Variants in PRPF8 observed in about 807,000 individuals in gnomAD.
PRPF8 encodes pre-mRNA processing factor 8.
In PRPF8, 64 loss-of-function variants were observed where a neutral mutation model predicts 285.9. The observed-to-expected ratio is 0.22, with a 90% CI of 0.18 to 0.28. The LOEUF (loss-of-function observed/expected upper bound fraction) is 0.28, where lower values mean the gene tolerates loss of function less well. PRPF8 is among the 10% of genes least tolerant of loss of function. The pLI is 1.00. For missense variants in PRPF8, 1,426 were observed against 3,026.7 expected, an observed-to-expected ratio of 0.47 and a Z score of 12.41; for synonymous variants, 1,325 against 1,118.2, an observed-to-expected ratio of 1.18 and a Z score of -3.69.
rs371722906 is a variant in PRPF8 at position 1,676,927 on chromosome 17, A to G, written c.2181+49T>C. ...TAATGATTCCCGAAGTGGTAATCCTACCCTAAAGACGGATGTTTACGCCTC... is the reference window on the plus strand; with the variant it reads ...TAATGATTCCCGAAGTGGTAATCCTGCCCTAAAGACGGATGTTTACGCCTC... On this transcript the variant is annotated intron_variant, in intron 15 of 42. Coordinates refer to ENST00000304992, the MANE Select transcript of PRPF8 (RefSeq NM_006445.4). This position sits in a 1 kb window ranked among gnomAD's most constrained non-coding sequence, Gnocchi z 6.3. The G allele has an allele frequency of 6.2e-7, 1 of 1,602,348 alleles. No individual in the cohort carries two copies. Among genetic ancestry groups the G allele is most frequent in the Non-Finnish European group, 8.5e-7 (1 of 1,173,032 alleles).
chr17:1,669,318 G>A (rs1912178842), intron 24 of PRPF8, among the ~76,000 whole-genome samples: 2 of 152,116 alleles, frequency 1.3e-5, no homozygotes. Context: ...TGTTGGCCAG[G>A]CTGGTCTCGA....
In PRPF8 at chr17:1,676,941, T is replaced by C. The variant is rs1043036515; in HGVS notation, c.2181+35A>G. 1.2e-6 allele frequency: 2 copies of C among 1,609,884 alleles called. No individual in the cohort carries two copies. Among genetic ancestry groups the C allele is most frequent in the Non-Finnish European group, 1.7e-6 (2 of 1,178,386 alleles). ...GTGGTAATCCTACCCTAAAGACGGATGTTTACGCCTCCAAGGAAATAAAGA... is the reference window on the plus strand; with the variant it reads ...GTGGTAATCCTACCCTAAAGACGGACGTTTACGCCTCCAAGGAAATAAAGA... On this transcript the variant is annotated intron_variant, in intron 15 of 42. Coordinates refer to ENST00000304992, the MANE Select transcript of PRPF8 (RefSeq NM_006445.4). The surrounding 1 kb of genome is among the most constrained non-coding windows in gnomAD (Gnocchi z 6.3).
At chr17:1,668,222 ACACTCCTC>A (rs1217535523) in intron 24 of PRPF8, among the ~76,000 whole-genome samples, 1 of 152,118 alleles carries the variant, frequency 6.6e-6, no homozygotes, top group Non-Finnish European at 1.5e-5. Flanking sequence ...ACCCTCTCAG[ACACTCCTC>A]CACTCCTCAG....
chr17:1,684,619 A>G (rs377087558), intron 1 of PRPF8, 37 bp from the exon 2 acceptor site: 2 of 1,591,628 alleles, frequency 1.3e-6, no homozygotes, highest in African/African-American at 2.7e-5. Flanking sequence ...CACTAACCAC[A>G]GGCCCGGGCC....
chr17:1,661,571 G>T lies in PRPF8; in HGVS notation c.4202+40C>A. Reference sequence around the variant, plus strand: ...TCCACACGGTTCAAAGGCCACCACTGCCCCTGCCCCAGGGTTGGCATGCCC... The same window carrying T: ...TCCACACGGTTCAAAGGCCACCACTTCCCCTGCCCCAGGGTTGGCATGCCC... On this transcript the variant is annotated intron_variant, in intron 26 of 42. Transcript: ENST00000304992. The surrounding 1 kb of genome is among the most constrained non-coding windows in gnomAD (Gnocchi z 7.3). 6.2e-7 allele frequency: 1 copy of T among 1,611,864 alleles called. No individual in the cohort carries two copies. The highest frequency in any genetic ancestry group is 8.5e-7 in the Non-Finnish European group (1 of 1,179,834).
Position 1,683,743 on chromosome 17 carries a change from CT to C in PRPF8, c.101-43del, listed in dbSNP as rs772460081. ...GTTTAAAGGCCTGCACACCCTCCCCCTAATCCTCTTCACCTCTTGCCCTAGG... is the reference window on the plus strand; with the variant it reads ...GTTTAAAGGCCTGCACACCCTCCCCCAATCCTCTTCACCTCTTGCCCTAGG... On this transcript the variant is annotated intron_variant, in intron 2 of 42. Coordinates refer to ENST00000304992, the MANE Select transcript of PRPF8 (RefSeq NM_006445.4). 64 of 1,610,656 alleles carry C rather than the reference CT, an allele frequency of 4.0e-5. No homozygotes were observed. In the Admixed American group the frequency reaches 6.2e-4, roughly 16 times the overall value.
rs11559306 is a variant in PRPF8 at position 1,656,451 on chromosome 17, G to A, written c.5734C>T (p.Pro1912Ser). 6.2e-7 allele frequency: 1 copy of A among 1,614,186 alleles called. No homozygotes were observed. Among genetic ancestry groups the A allele is most frequent in the Non-Finnish European group, 8.5e-7 (1 of 1,180,034 alleles). ...FGDLILKATE[P>S]QMVLFNLYDD... Reference sequence around the variant, plus strand: ...TAGAGGTTGAAGAGAACCATCTGGGGCTCAGTGGCTTTAAGGATGAGATCC... The same window carrying A: ...TAGAGGTTGAAGAGAACCATCTGGGACTCAGTGGCTTTAAGGATGAGATCC... Residue 1912 changes from proline (P) to serine (S), a missense_variant, in exon 36 of 43, where the codon CCC (proline) becomes TCC (serine). By Grantham distance (74) the Pro-to-Ser change is moderately conservative. Coordinates refer to ENST00000304992, the MANE Select transcript of PRPF8 (RefSeq NM_006445.4).
Position 1,676,070 on chromosome 17 carries a change from G to C in PRPF8, c.2553-16C>G. 1 of 1,612,796 alleles carries C rather than the reference G, an allele frequency of 6.2e-7. No homozygotes were observed. The highest frequency in any genetic ancestry group is 8.5e-7 in the Non-Finnish European group (1 of 1,180,014). ...AGACTTCACACTGACAAAAGCAATGGGAAGGGTGAATGGGAAAACTAGGAG... is the reference window on the plus strand; with the variant it reads ...AGACTTCACACTGACAAAAGCAATGCGAAGGGTGAATGGGAAAACTAGGAG... On this transcript the variant is annotated splice_polypyrimidine_tract_variant and intron_variant, in intron 17 of 42. Transcript: ENST00000304992. This position sits in a 1 kb window ranked among gnomAD's most constrained non-coding sequence, Gnocchi z 6.3.
Position 1,673,942 on chromosome 17 carries a change from G to C in PRPF8, c.3300-50C>G. The stretch of plus-strand genomic sequence containing the variant: ...GAGGCCCCAGTACACTGAGATTTGG[G>C]ACACCCACAAGTCCTCCAGCTCAAT... On this transcript the variant is annotated intron_variant, in intron 21 of 42. Transcript: ENST00000304992. The surrounding 1 kb of genome is among the most constrained non-coding windows in gnomAD (Gnocchi z 5.5). The C allele has an allele frequency of 6.2e-7, 1 of 1,603,754 alleles. No individual in the cohort carries two copies.
chr17:1,669,338 T>C (rs1328420497), intron 24 of PRPF8, among the ~76,000 whole-genome samples: 2 of 152,198 alleles, frequency 1.3e-5, no homozygotes, highest in Non-Finnish European at 2.9e-5. Flanking sequence ...AACTCCTGAC[T>C]TGGTGATTCA....
chr17:1,666,139 C>G (rs1473714785), intron 24 of PRPF8, among the ~76,000 whole-genome samples: 1 of 151,264 alleles, frequency 6.6e-6, no homozygotes, highest in Non-Finnish European at 1.5e-5. Context: ...GCACTCCAAC[C>G]TGAGTGACAG....
rs1237294178 is a variant in PRPF8, at chr17:1,681,056, T to G, written c.867-2A>C. 1 of 1,613,132 alleles carries G rather than the reference T, an allele frequency of 6.2e-7. No individual in the cohort carries two copies. The highest frequency in any genetic ancestry group is 8.5e-7 in the Non-Finnish European group (1 of 1,179,360). On this transcript the variant is annotated splice_acceptor_variant, in intron 6 of 42. Transcript: ENST00000304992. LOFTEE classifies it high-confidence loss of function. ...TTGAATTCATTCCAGTCTTCATCCCTAGGGTACAACATCAAGAATAAGCAG... is the reference window on the plus strand; with the variant it reads ...TTGAATTCATTCCAGTCTTCATCCCGAGGGTACAACATCAAGAATAAGCAG...
intron 34 of PRPF8, among the ~76,000 whole-genome samples, chr17:1,657,081 G>C (rs1026823458): frequency 1.3e-5 from 2 of 152,150 alleles, no homozygotes; most frequent in African/African-American, 4.8e-5. Flanking sequence ...GTCTTAAGGA[G>C]GGACTGTGAT....
In PRPF8 at chr17:1,673,635, G is replaced by A; in HGVS notation, c.3447-68C>T. On this transcript the variant is annotated intron_variant, in intron 22 of 42. Coordinates refer to ENST00000304992, the MANE Select transcript of PRPF8 (RefSeq NM_006445.4). The surrounding 1 kb of genome is among the most constrained non-coding windows in gnomAD (Gnocchi z 5.5). ...AACTTCCCTTCAAAGGCCAACTGATGACATCCTGACACAGCCACGCCTCTC... is the reference window on the plus strand; with the variant it reads ...AACTTCCCTTCAAAGGCCAACTGATAACATCCTGACACAGCCACGCCTCTC... 1.2e-6 allele frequency: 2 copies of A among 1,611,358 alleles called. No homozygotes were observed. The highest frequency in any genetic ancestry group is 1.7e-6 in the Non-Finnish European group (2 of 1,178,898).
At chr17:1,667,716 G>T (rs577785614) in intron 24 of PRPF8, among the ~76,000 whole-genome samples, 2 of 152,074 alleles carry the variant, frequency 1.3e-5, no homozygotes, top group South Asian at 4.1e-4. Flanking sequence ...GCTAATTTTT[G>T]TATTTTTAGT....
In PRPF8 at chr17:1,679,955, C is replaced by A. The variant is rs146580593; in HGVS notation, c.1099-156G>T. ...CCCTGAAGTGCCAGCACAAAGGAAA[C>A]CAAGACAGCAAAGAACAAGACAGGG... On this transcript the variant is annotated intron_variant, in intron 8 of 42. Transcript: ENST00000304992. The surrounding 1 kb of genome is among the most constrained non-coding windows in gnomAD (Gnocchi z 4.7). 2.4e-3 allele frequency among the ~76,000 whole-genome samples: 367 copies of A among 152,276 alleles called. 1 individual carries two copies. The highest frequency in any genetic ancestry group is 8.5e-3 in the African/African-American group (355 of 41,550).
chr17:1,679,779 A>G lies in PRPF8; in HGVS notation c.1119T>C (p.Asp373=). The G allele has an allele frequency of 6.2e-7, 1 of 1,614,174 alleles. No homozygotes were observed. The highest frequency in any genetic ancestry group is 8.5e-7 in the Non-Finnish European group (1 of 1,180,034). Residue 373 remains aspartate (D), a synonymous_variant, in exon 9 of 43, where the codon GAT becomes GAC. Coordinates refer to ENST00000304992, the MANE Select transcript of PRPF8 (RefSeq NM_006445.4). The surrounding 1 kb of genome is among the most constrained non-coding windows in gnomAD (Gnocchi z 4.7). ...HSVKSQEPLP[D]DDEEFELPEF... is the part of the protein sequence containing the mutation. ...CCGGGAGCTCAAATTCCTCATCATC[A>G]TCCGGCAATGGTTCCTGGCTCTGAA...
In PRPF8 at chr17:1,676,132, T is replaced by G; in HGVS notation, c.2552+75A>C. 2 of 1,612,048 alleles carry G rather than the reference T, an allele frequency of 1.2e-6. No homozygotes were observed. The highest frequency in any genetic ancestry group is 2.2e-5 in the East Asian group (1 of 44,882). On this transcript the variant is annotated intron_variant, in intron 17 of 42. Coordinates refer to ENST00000304992, the MANE Select transcript of PRPF8 (RefSeq NM_006445.4). This position sits in a 1 kb window ranked among gnomAD's most constrained non-coding sequence, Gnocchi z 6.3. ...AGGAAAGACTGGGGCTACACCTTCTTTCTTTGGACTCTGAGGATGACGCCA... is the reference window on the plus strand; with the variant it reads ...AGGAAAGACTGGGGCTACACCTTCTGTCTTTGGACTCTGAGGATGACGCCA...
At position 1,651,603 on chromosome 17, in the gene PRPF8, C is replaced by T. The variant is rs376347137; in HGVS notation, c.6510+45G>A. 49 of 1,613,998 alleles carry T rather than the reference C, an allele frequency of 3.0e-5. No homozygotes were observed. Among genetic ancestry groups the T allele is most frequent in the African/African-American group, 2.1e-4 (16 of 74,906 alleles). Reference sequence around the variant, plus strand: ...CTGAATCCCATCCACAGACAGGAATCGCACCAGCTTTTCCACACTCCCAGG... The same window carrying T: ...CTGAATCCCATCCACAGACAGGAATTGCACCAGCTTTTCCACACTCCCAGG... On this transcript the variant is annotated intron_variant, in intron 40 of 42. Transcript: ENST00000304992. This position sits in a 1 kb window ranked among gnomAD's most constrained non-coding sequence, Gnocchi z 5.1.
Sources: gnomAD v4.1 joint callset for allele counts (sites outside exome capture counted in the v4.1 genomes callset) on GRCh38, gnomAD v4.1.1 for gene constraint, Gnocchi (gnomAD v3.1) non-coding constraint, MANE v1.5 for transcripts, NCBI Gene and HGNC (gene_info 2026-07-23, HGNC 2026-07-21) for gene names.